The following OR4C6 variants were observed in gnomAD, a reference collection of about 807,000 sequenced individuals.
The protein encoded by OR4C6 is olfactory receptor family 4 subfamily C member 6.
Under a neutral mutation model 13.9 loss-of-function variants are expected in OR4C6, and 20 were observed. The ratio of observed to expected loss-of-function variants is 1.43; its 90% CI spans 1.01 to 2.08. OR4C6 has a LOEUF of 2.08. Ranked by LOEUF, OR4C6 falls within the 30% of genes most tolerant of loss-of-function variation. The pLI is 0.00. For synonymous variants in OR4C6, 193 were observed against 141.5 expected (o/e 1.36, Z -2.58); for missense variants, 555 against 381.2 (o/e 1.46, Z -3.80).
chr11:55,664,397 T>A (rs1287855930), intron 1 of OR4C6, among the ~76,000 whole-genome samples: 1 of 152,046 alleles, frequency 6.6e-6, no homozygotes, highest in South Asian at 2.1e-4. Context: ...TGAACCATGA[T>A]GGTTTATAAT....
rs74828903 is a variant in OR4C6 at position 55,662,544 on chromosome 11, A to G, written c.-43+296A>G. ...AATTCTTAAGCATTTGCTTATGGAAATAAGAGAAACATGTAATAAACATAA... is the reference window on the plus strand; with the variant it reads ...AATTCTTAAGCATTTGCTTATGGAAGTAAGAGAAACATGTAATAAACATAA... On this transcript the variant is annotated intron_variant, in intron 1 of 1. Coordinates refer to ENST00000314259, the MANE Select transcript of OR4C6 (RefSeq NM_001004704.2). 5.1e-3 allele frequency among the ~76,000 whole-genome samples: 710 copies of G among 139,402 alleles called. 79 individuals are homozygous for G. Among genetic ancestry groups the G allele is most frequent in the African/African-American group, 0.017 (689 of 40,048 alleles). The allele number at this position is 139,402 out of a possible 152,430, so 91.5% of individuals were successfully genotyped here.
chr11:55,663,342 G>A lies in OR4C6; in HGVS notation c.-43+1094G>A, dbSNP rs556453720. ...AGTTGGAAAAGTTCAATTCTGTTCCGTATCAACACAGGGTCATACTAGGTC... is the reference window on the plus strand; with the variant it reads ...AGTTGGAAAAGTTCAATTCTGTTCCATATCAACACAGGGTCATACTAGGTC... On this transcript the variant is annotated intron_variant, in intron 1 of 1. Transcript: ENST00000314259. Among the ~76,000 whole-genome samples, 3 of 138,074 alleles carry A rather than the reference G, an allele frequency of 2.2e-5. 1 individual carries two copies. Among genetic ancestry groups the A allele is most frequent in the Non-Finnish European group, 4.8e-5 (3 of 62,160 alleles). 90.6% of individuals were successfully genotyped at this position (138,074 alleles called of 152,430 possible).
chr11:55,664,929 G>A (rs1434712738), intron 1 of OR4C6, among the ~76,000 whole-genome samples, 196 bp from the exon 2 acceptor site: 1 of 151,986 alleles, frequency 6.6e-6, no homozygotes, highest in African/African-American at 2.4e-5. Context: ...AATTTAGAAA[G>A]GGAGGAGAAA....
chr11:55,665,452 C>A lies in OR4C6; in HGVS notation c.286C>A (p.Leu96Ile). ...CACTACCATCTCTCTCAAAGGCTGC[C>A]TCACCCAGCTGTTTGTGGAGCATTT... Reference protein sequence around the residue: ...KSTTISLKGCLTQLFVEHFFG... With the variant: ...KSTTISLKGCITQLFVEHFFG... Residue 96 changes from leucine (L) to isoleucine (I), a missense_variant, in exon 2 of 2, where the codon CTC (leucine) becomes ATC (isoleucine). Transcript: ENST00000314259. The A allele has an allele frequency of 6.2e-7, 1 of 1,613,876 alleles. No homozygotes were observed. The highest frequency in any genetic ancestry group is 8.5e-7 in the Non-Finnish European group (1 of 1,179,996).
chr11:55,666,026 T>C lies in OR4C6; in HGVS notation c.860T>C (p.Leu287Pro), dbSNP rs776759906. Residue 287 changes from leucine to proline, a missense_variant, in exon 2 of 2, where the codon CTG (leucine) becomes CCG (proline). By Grantham distance (98) the Leu-to-Pro change is moderately conservative. Transcript: ENST00000314259. ...TPMLNPLIYT[L>P]RNAEVKSAMK... ...ATGTTAAATCCCTTGATCTATACAC[T>C]GAGGAATGCAGAGGTGAAAAGTGCC... is the stretch of plus-strand genomic sequence containing the variant. The C allele has an allele frequency of 1.2e-6, 2 of 1,613,816 alleles. No homozygotes were observed. The highest frequency in any genetic ancestry group is 2.2e-5 in the South Asian group (2 of 91,078).
At position 55,665,909 on chromosome 11, in the gene OR4C6, T is replaced by A. The variant is rs780526427; in HGVS notation, c.743T>A (p.Phe248Tyr). Residue 248 changes from phenylalanine to tyrosine, a missense_variant, in exon 2 of 2, where the codon TTC becomes TAC. Coordinates refer to ENST00000314259, the MANE Select transcript of OR4C6 (RefSeq NM_001004704.2). ...TCCCACCTCACGGTGGTTGTATTGT[T>A]CTTTGTCCCCTGTATTTTCTTGTAC... is the stretch of plus-strand genomic sequence containing the variant. Reference protein sequence around the residue: ...CSSHLTVVVLFFVPCIFLYMR... With the variant: ...CSSHLTVVVLYFVPCIFLYMR... 1 of 1,613,910 alleles carries A rather than the reference T, an allele frequency of 6.2e-7. No individual in the cohort carries two copies. Among genetic ancestry groups the A allele is most frequent in the South Asian group, 1.1e-5 (1 of 91,070 alleles).
intron 1 of OR4C6, among the ~76,000 whole-genome samples, chr11:55,663,309 T>C: frequency 7.2e-6 from 1 of 138,050 alleles, no homozygotes; most frequent in East Asian, 2.4e-4. Context: ...TGATGAGACC[T>C]GAATGTCAGT....
chr11:55,665,380 T>A lies in OR4C6; in HGVS notation c.214T>A (p.Ser72Thr). ...TFLSLLDVMF[S>T]SVVAPKVIVD... Reference sequence around the variant, plus strand: ...CTTGTCCCTTTTGGATGTCATGTTCTCATCTGTCGTTGCCCCCAAGGTGAT... The same window carrying A: ...CTTGTCCCTTTTGGATGTCATGTTCACATCTGTCGTTGCCCCCAAGGTGAT... Residue 72 changes from serine (S) to threonine (T), a missense_variant, in exon 2 of 2, where the codon TCA becomes ACA. Coordinates refer to ENST00000314259, the MANE Select transcript of OR4C6 (RefSeq NM_001004704.2). The A allele has an allele frequency of 6.2e-7, 1 of 1,613,650 alleles. No individual in the cohort carries two copies. The highest frequency in any genetic ancestry group is 1.1e-5 in the South Asian group (1 of 91,070).
chr11:55,666,035 C>T lies in OR4C6; in HGVS notation c.869C>T (p.Ala290Val), dbSNP rs1012284923. 1.2e-6 allele frequency: 2 copies of T among 1,613,746 alleles called. No homozygotes were observed. Among genetic ancestry groups the T allele is most frequent in the African/African-American group, 1.3e-5 (1 of 74,914 alleles). ...LNPLIYTLRN[A>V]EVKSAMKKLW... ...CCCTTGATCTATACACTGAGGAATG[C>T]AGAGGTGAAAAGTGCCATGAAGAAA... The change falls in exon 2 of 2, where the codon GCA (alanine) becomes GTA (valine). Residue 290 changes from alanine (A) to valine (V), a missense_variant. Transcript: ENST00000314259.
chr11:55,663,600 C>T (rs191563740), intron 1 of OR4C6, among the ~76,000 whole-genome samples: 3 of 138,560 alleles, frequency 2.2e-5, no homozygotes, highest in Middle Eastern at 3.8e-3. Flanking sequence ...ATGCCAGCAG[C>T]ATGCTCAAAT....
In OR4C6 at chr11:55,665,575, C is replaced by T. The variant is rs202011136; in HGVS notation, c.409C>T (p.Arg137Trp). The change falls in exon 2 of 2, where the codon CGG becomes TGG. Residue 137 changes from arginine (R) to tryptophan (W), a missense_variant. By Grantham distance (101) the Arg-to-Trp change is moderately radical (BLOSUM62 -3). Transcript: ENST00000314259. ...GCACTACACGATCATCATGAGTCCACGGGTGTGCTGCCTAATGGTAGGAGG... is the reference window on the plus strand; with the variant it reads ...GCACTACACGATCATCATGAGTCCATGGGTGTGCTGCCTAATGGTAGGAGG... The part of the protein sequence containing the change: ...PLHYTIIMSP[R>W]VCCLMVGGAW... 1.3e-4 allele frequency: 204 copies of T among 1,613,770 alleles called. No homozygotes were observed. Among genetic ancestry groups the T allele is most frequent in the Non-Finnish European group, 1.5e-4 (177 of 1,179,992 alleles).
Position 55,665,678 on chromosome 11 carries a change from T to C in OR4C6, c.512T>C (p.Ile171Thr). 1.2e-6 allele frequency: 2 copies of C among 1,613,912 alleles called. No homozygotes were observed. The highest frequency in any genetic ancestry group is 2.2e-5 in the East Asian group (1 of 44,870). Residue 171 changes from isoleucine (I) to threonine (T), a missense_variant, in exon 2 of 2, where the codon ATC becomes ACC. Physicochemically the swap from Ile to Thr is moderately conservative, Grantham distance 89. Transcript: ENST00000314259. ...MYQIPFCGPN[I>T]IDHFICDLFQ... ...CAAATACCCTTCTGTGGTCCTAATATCATAGATCACTTTATATGTGATTTG... is the reference window on the plus strand; with the variant it reads ...CAAATACCCTTCTGTGGTCCTAATACCATAGATCACTTTATATGTGATTTG...
rs760493564 is a variant in OR4C6 at position 55,665,357 on chromosome 11, T to C, written c.191T>C (p.Leu64Ser). Residue 64 changes from leucine (L) to serine (S), a missense_variant, in exon 2 of 2, where the codon TTG (leucine) becomes TCG (serine). Transcript: ENST00000314259. ...RSPMYFFLTF[L>S]SLLDVMFSSV... ...CCTATGTATTTTTTTCTTACCTTCT[T>C]GTCCCTTTTGGATGTCATGTTCTCA... is the stretch of plus-strand genomic sequence containing the variant. The C allele has an allele frequency of 9.9e-5, 160 of 1,613,642 alleles. No homozygotes were observed. In the South Asian group the frequency reaches 1.7e-3, roughly 17 times the overall value.
Position 55,665,854 on chromosome 11 carries a change from G to A in OR4C6, c.688G>A (p.Gly230Arg), listed in dbSNP as rs1565078863. ...CTCCCTGAAGTCTTACAGCTCTAAA[G>A]GGCGGCACAAAGCCCTCTCTACCTG... ...LCSLKSYSSK[G>R]RHKALSTCSS... The change falls in exon 2 of 2, where the codon GGG (glycine) becomes AGG (arginine). Residue 230 changes from glycine to arginine, a missense_variant. Gly to Arg is a moderately radical substitution (Grantham distance 125, BLOSUM62 -2). Coordinates refer to ENST00000314259, the MANE Select transcript of OR4C6 (RefSeq NM_001004704.2). 1 of 1,613,828 alleles carries A rather than the reference G, an allele frequency of 6.2e-7. No homozygotes were observed. The highest frequency in any genetic ancestry group is 1.3e-5 in the African/African-American group (1 of 74,818).
In OR4C6 at chr11:55,665,194, T is replaced by A; in HGVS notation, c.28T>A (p.Phe10Ile). 1 of 1,611,880 alleles carries A rather than the reference T, an allele frequency of 6.2e-7. No individual in the cohort carries two copies. Among genetic ancestry groups the A allele is most frequent in the South Asian group, 1.1e-5 (1 of 90,826 alleles). ...GGAAAATCAAAACAATGTGACTGAA[T>A]TCATTCTTCTGGGTCTCACAGAGAA... is the stretch of plus-strand genomic sequence containing the variant. MENQNNVTEFILLGLTENLE... is the reference protein window; with the variant it reads MENQNNVTEIILLGLTENLE... The change falls in exon 2 of 2, where the codon TTC becomes ATC. Residue 10 changes from phenylalanine (F) to isoleucine (I), a missense_variant. By Grantham distance (21) the Phe-to-Ile change is conservative. Coordinates refer to ENST00000314259, the MANE Select transcript of OR4C6 (RefSeq NM_001004704.2).
chr11:55,665,996 C>A lies in OR4C6; in HGVS notation c.830C>A (p.Thr277Lys). 6.2e-7 allele frequency: 1 copy of A among 1,613,656 alleles called. No homozygotes were observed. The highest frequency in any genetic ancestry group is 1.1e-5 in the South Asian group (1 of 91,080). The change falls in exon 2 of 2, where the codon ACA becomes AAA. Residue 277 changes from threonine (T) to lysine (K), a missense_variant. Coordinates refer to ENST00000314259, the MANE Select transcript of OR4C6 (RefSeq NM_001004704.2). ...KAMAVSDSII[T>K]PMLNPLIYTL... ...ATGGCTGTGTCAGACTCAATCATCACACCCATGTTAAATCCCTTGATCTAT... is the reference window on the plus strand; with the variant it reads ...ATGGCTGTGTCAGACTCAATCATCAAACCCATGTTAAATCCCTTGATCTAT...
In OR4C6 at chr11:55,665,625, C is replaced by G. The variant is rs144378683; in HGVS notation, c.459C>G (p.His153Gln). ...GGGCTTGGGTGGGGGGATTTATGCA[C>G]GCAATGATACAACTTCTCTTCATGT... ...VGGAWVGGFM[H>Q]AMIQLLFMYQ... The change falls in exon 2 of 2, where the codon CAC becomes CAG. Residue 153 changes from histidine to glutamine, a missense_variant. Coordinates refer to ENST00000314259, the MANE Select transcript of OR4C6 (RefSeq NM_001004704.2). 5 of 1,613,558 alleles carry G rather than the reference C, an allele frequency of 3.1e-6. No individual in the cohort carries two copies. The Admixed American group carries it at 8.3e-5, about 27-fold the overall frequency.
At chr11:55,662,589 C>G (rs1858684661) in intron 1 of OR4C6, among the ~76,000 whole-genome samples, 1 of 138,808 alleles carries the variant, frequency 7.2e-6, no homozygotes, top group South Asian at 2.4e-4. Flanking sequence ...ATATAGAAAA[C>G]ACATCTTGTG....
At chr11:55,664,154 G>A (rs899614556) in intron 1 of OR4C6, among the ~76,000 whole-genome samples, 2 of 152,010 alleles carry the variant, frequency 1.3e-5, no homozygotes, top group African/African-American at 4.8e-5. Context: ...TCTTTACGAT[G>A]GGAGTAGTAT....
Sources: gnomAD v4.1 joint callset for allele counts (sites outside exome capture counted in the v4.1 genomes callset) on GRCh38, gnomAD v4.1.1 for gene constraint, MANE v1.5 for transcripts, NCBI Gene and HGNC (gene_info 2026-07-23, HGNC 2026-07-21) for gene names.